Variants in PIM3 observed in about 807,000 individuals in gnomAD.
PIM3 encodes the protein Pim-3 proto-oncogene, serine/threonine kinase, also known as serine/threonine-protein kinase pim-3.
In PIM3, 13 loss-of-function variants were observed where a neutral mutation model predicts 27.5. The ratio of observed to expected loss-of-function variants is 0.47; its 90% CI spans 0.31 to 0.75. The LOEUF is 0.75. PIM3 is among the 30% of genes least tolerant of loss of function. The probability of loss-of-function intolerance (pLI) is 0.05; values close to 1 mark genes in which losing one functional copy is unlikely to be tolerated. For synonymous variants in PIM3, 341 were observed against 221.1 expected (o/e 1.54, Z -4.81); for missense variants, 482 against 476.9 (o/e 1.01, Z -0.10).
At position 49,961,591 on chromosome 22, in the gene PIM3, C is replaced by G; in HGVS notation, c.396C>G (p.Leu132=). ...AGCGGCCCGAGCCGGCGCAGGACCT[C>G]TTCGACTTTATCACGGAGCGCGGCG... is the stretch of plus-strand genomic sequence containing the variant. ...VLERPEPAQD[L]FDFITERGAL... The change falls in exon 4 of 6, where the codon CTC becomes CTG. Residue 132 remains leucine (L), a synonymous_variant. Coordinates refer to ENST00000360612, the MANE Select transcript of PIM3 (RefSeq NM_001001852.4). The G allele has an allele frequency of 1.9e-6, 3 of 1,548,780 alleles. No individual in the cohort carries two copies. The highest frequency in any genetic ancestry group is 8.7e-7 in the Non-Finnish European group (1 of 1,147,156).
chr22:49,961,778 C>A lies in PIM3; in HGVS notation c.583C>A (p.Leu195Met), dbSNP rs778753697. 1.9e-6 allele frequency: 3 copies of A among 1,611,746 alleles called. No homozygotes were observed. Among genetic ancestry groups the A allele is most frequent in the Middle Eastern group, 1.7e-4 (1 of 6,038 alleles). Reference sequence around the variant, plus strand: ...GCTCATCGACTTCGGTTCGGGTGCGCTGCTCAAGGACACGGTCTACACCGA... The same window carrying A: ...GCTCATCGACTTCGGTTCGGGTGCGATGCTCAAGGACACGGTCTACACCGA... ...LKLIDFGSGA[L>M]LKDTVYTDFD... is the part of the protein sequence containing the mutation. Residue 195 changes from leucine (L) to methionine (M), a missense_variant, in exon 4 of 6, where the codon CTG (leucine) becomes ATG (methionine). Transcript: ENST00000360612.
chr22:49,961,314 G>A lies in PIM3; in HGVS notation c.196-4G>A, dbSNP rs765184518. 2.6e-6 allele frequency: 4 copies of A among 1,544,822 alleles called. No homozygotes were observed. In the South Asian group the frequency reaches 4.8e-5, roughly 18 times the overall value. ...GGCCCGGCCTGACCCCCGCGTCTCC[G>A]CAGGTGGCTGTGAAGCACGTGGTGA... On this transcript the variant is annotated splice_region_variant and splice_polypyrimidine_tract_variant and intron_variant, in intron 2 of 5. Transcript: ENST00000360612.
intron 1 of PIM3, 27 bp downstream of exon 1, chr22:49,961,059 G>A (rs2060903612): frequency 9.6e-6 from 13 of 1,354,498 alleles, no homozygotes; most frequent in Non-Finnish European, 1.1e-5. Flanking sequence ...CGGGGCCGGG[G>A]CCGGGGCCAG....
At position 49,961,548 on chromosome 22, in the gene PIM3, G is replaced by A; in HGVS notation, c.353G>A (p.Gly118Asp). The A allele has an allele frequency of 6.5e-7, 1 of 1,544,852 alleles. No individual in the cohort carries two copies. Among genetic ancestry groups the A allele is most frequent in the Non-Finnish European group, 8.7e-7 (1 of 1,145,744 alleles). ...RLLDWFERPD[G>D]FLLVLERPEP... Reference sequence around the variant, plus strand: ...CTGGACTGGTTCGAGCGGCCCGACGGCTTCCTGCTGGTGCTGGAGCGGCCC... The same window carrying A: ...CTGGACTGGTTCGAGCGGCCCGACGACTTCCTGCTGGTGCTGGAGCGGCCC... Residue 118 changes from glycine (G) to aspartate (D), a missense_variant, in exon 4 of 6, where the codon GGC becomes GAC. Physicochemically the swap from Gly to Asp is moderately conservative, Grantham distance 94. Transcript: ENST00000360612.
At position 49,961,831 on chromosome 22, in the gene PIM3, A is replaced by G. The variant is rs746941205; in HGVS notation, c.616+20A>G. On this transcript the variant is annotated intron_variant, in intron 4 of 5. Coordinates refer to ENST00000360612, the MANE Select transcript of PIM3 (RefSeq NM_001001852.4). ...TCGACGGTGAGCGCGGGCGCGGGGC[A>G]GGGAACGTTCCGGGGGCCTTGCCGG... 3.1e-6 allele frequency: 5 copies of G among 1,609,594 alleles called. No homozygotes were observed. The South Asian group carries it at 5.5e-5, about 18-fold the overall frequency.
rs570258477 is a variant in PIM3, at chr22:49,963,444, C to T, written c.*317C>T. On this transcript the variant is annotated 3_prime_UTR_variant, in exon 6 of 6. Transcript: ENST00000360612. ...GCCTGCCCACCCGGAGCTCTTTCCG[C>T]CGGCGCAGGGTCCCAAGCCCACCTC... is the stretch of plus-strand genomic sequence containing the variant. The T allele has an allele frequency of 8.5e-4, 244 of 287,386 alleles. 2 individuals are homozygous for T. The highest frequency in any genetic ancestry group is 5.2e-3 in the African/African-American group (235 of 45,224). 17.8% of individuals were successfully genotyped at this position (287,386 alleles called of 1,614,324 possible).
rs2060917724 is a variant in PIM3 at position 49,963,073 on chromosome 22, CACCCTCG to C, written c.933_939del (p.Asp312MetfsTer22). The C allele has an allele frequency of 6.2e-7, 1 of 1,611,280 alleles. No individual in the cohort carries two copies. The highest frequency in any genetic ancestry group is 8.5e-7 in the Non-Finnish European group (1 of 1,179,438). Reference sequence around the variant, plus strand: ...CGGAGAGCTGTGACCTGCGGCTGTGCACCCTCGACCCTGATGACGTGGCCAGCACCAC... The same window carrying C: ...CGGAGAGCTGTGACCTGCGGCTGTGCACCCTGATGACGTGGCCAGCACCAC... On this transcript the variant is annotated frameshift_variant, in exon 6 of 6. Transcript: ENST00000360612. LOFTEE classifies it high-confidence loss of function.
In PIM3 at chr22:49,961,459, C is replaced by A; in HGVS notation, c.264C>A (p.Pro88=). 1 of 1,461,322 alleles carries A rather than the reference C, an allele frequency of 6.8e-7. No homozygotes were observed. Among genetic ancestry groups the A allele is most frequent in the Non-Finnish European group, 9.0e-7 (1 of 1,112,026 alleles). The allele number at this position is 1,461,322 out of a possible 1,614,324, so 90.5% of individuals were successfully genotyped here. A position where few individuals can be genotyped will look rare whatever the true frequency, so the allele number is the denominator to read the frequency against. The change falls in exon 4 of 6, where the codon CCC becomes CCA. Residue 88 remains proline (P), a synonymous_variant. Transcript: ENST00000360612. ...TCCCCCAGGGCGGCGCGACCGTGCC[C>A]CTGGAGGTGGTGCTGCTGCGCAAGG... ...EWGSLGGATV[P]LEVVLLRKVG... is the part of the protein sequence containing the mutation.
chr22:49,961,479 G>T lies in PIM3; in HGVS notation c.284G>T (p.Arg95Leu). 1.3e-6 allele frequency: 2 copies of T among 1,490,248 alleles called. No individual in the cohort carries two copies. Among genetic ancestry groups the T allele is most frequent in the Non-Finnish European group, 8.9e-7 (1 of 1,124,374 alleles). 92.3% of individuals were successfully genotyped at this position (1,490,248 alleles called of 1,614,324 possible). The stretch of plus-strand genomic sequence containing the variant: ...GTGCCCCTGGAGGTGGTGCTGCTGC[G>T]CAAGGTGGGCGCGGCGGGCGGCGCG... Reference protein sequence around the residue: ...ATVPLEVVLLRKVGAAGGARG... With the variant: ...ATVPLEVVLLLKVGAAGGARG... The change falls in exon 4 of 6, where the codon CGC (arginine) becomes CTC (leucine). Residue 95 changes from arginine (R) to leucine (L), a missense_variant. Arg to Leu is a moderately radical substitution (Grantham distance 102). Transcript: ENST00000360612.
At position 49,961,344 on chromosome 22, in the gene PIM3, G is replaced by A. The variant is rs751284070; in HGVS notation, c.222G>A (p.Glu74=). The change falls in exon 3 of 6, where the codon GAG becomes GAA. Residue 74 remains glutamate (E), a synonymous_variant. Transcript: ENST00000360612. ...TGGCTGTGAAGCACGTGGTGAAGGAGCGGGTGACCGAGTGGGGCAGCCTGG... is the reference window on the plus strand; with the variant it reads ...TGGCTGTGAAGCACGTGGTGAAGGAACGGGTGACCGAGTGGGGCAGCCTGG... ...LPVAVKHVVK[E]RVTEWGSLGG... The A allele has an allele frequency of 1.4e-5, 21 of 1,537,526 alleles. No homozygotes were observed. In the South Asian group the frequency reaches 2.2e-4, roughly 16 times the overall value.
rs377375610 is a variant in PIM3 at position 49,962,863 on chromosome 22, C to T, written c.791C>T (p.Pro264Leu). 5.0e-6 allele frequency: 8 copies of T among 1,608,318 alleles called. No homozygotes were observed. The highest frequency in any genetic ancestry group is 6.8e-6 in the Non-Finnish European group (8 of 1,179,094). ...GRLLFRRRVS[P>L]ECQQLIRWCL... ...CTGCTCTTCCGGAGGAGGGTCTCTCCAGGTGCGTGGTGGCTCGAGGCGGGG... is the reference window on the plus strand; with the variant it reads ...CTGCTCTTCCGGAGGAGGGTCTCTCTAGGTGCGTGGTGGCTCGAGGCGGGG... Residue 264 changes from proline (P) to leucine (L), a missense_variant and splice_region_variant, in exon 5 of 6, where the codon CCA becomes CTA. Coordinates refer to ENST00000360612, the MANE Select transcript of PIM3 (RefSeq NM_001001852.4).
chr22:49,961,802 G>A lies in PIM3; in HGVS notation c.607G>A (p.Asp203Asn). The A allele has an allele frequency of 6.2e-7, 1 of 1,611,684 alleles. No individual in the cohort carries two copies. Among genetic ancestry groups the A allele is most frequent in the Non-Finnish European group, 8.5e-7 (1 of 1,179,366 alleles). ...GCTGCTCAAGGACACGGTCTACACC[G>A]ACTTCGACGGTGAGCGCGGGCGCGG... ...GALLKDTVYT[D>N]FDGTRVYSPP... Residue 203 changes from aspartate (D) to asparagine (N), a missense_variant, in exon 4 of 6, where the codon GAC (aspartate) becomes AAC (asparagine). Physicochemically the swap from Asp to Asn is conservative, Grantham distance 23 (BLOSUM62 1). Transcript: ENST00000360612.
chr22:49,960,852 G>T lies in PIM3; in HGVS notation c.-96G>T. ...CCACTGCGCCGCGCGGACCGCCTCG[G>T]GCTCGGACGGCCGGTGTCCCCGGCG... is the stretch of plus-strand genomic sequence containing the variant. On this transcript the variant is annotated 5_prime_UTR_variant, in exon 1 of 6. Coordinates refer to ENST00000360612, the MANE Select transcript of PIM3 (RefSeq NM_001001852.4). 2 of 945,436 alleles carry T rather than the reference G, an allele frequency of 2.1e-6. No homozygotes were observed. The highest frequency in any genetic ancestry group is 2.6e-6 in the Non-Finnish European group (2 of 768,908). The allele number at this position is 945,436 out of a possible 1,614,324, so 58.6% of individuals were successfully genotyped here.
chr22:49,962,568 G>A (rs940970213), intron 4 of PIM3, 121 bp from the exon 5 acceptor site: 15 of 1,184,696 alleles, frequency 1.3e-5, no homozygotes, highest in South Asian at 1.5e-5. Flanking sequence ...TGACGAGCAG[G>A]ATTTTGAGGC....
chr22:49,961,569 G>T lies in PIM3; in HGVS notation c.374G>T (p.Arg125Leu). Reference sequence around the variant, plus strand: ...GACGGCTTCCTGCTGGTGCTGGAGCGGCCCGAGCCGGCGCAGGACCTCTTC... The same window carrying T: ...GACGGCTTCCTGCTGGTGCTGGAGCTGCCCGAGCCGGCGCAGGACCTCTTC... ...RPDGFLLVLE[R>L]PEPAQDLFDF... Residue 125 changes from arginine to leucine, a missense_variant, in exon 4 of 6, where the codon CGG becomes CTG. By Grantham distance (102) the Arg-to-Leu change is moderately radical. Transcript: ENST00000360612. 1 of 1,546,572 alleles carries T rather than the reference G, an allele frequency of 6.5e-7. No individual in the cohort carries two copies. Among genetic ancestry groups the T allele is most frequent in the Non-Finnish European group, 8.7e-7 (1 of 1,146,480 alleles).
Position 49,963,196 on chromosome 22 carries a change from G to T in PIM3, c.*69G>T. 1 of 1,441,784 alleles carries T rather than the reference G, an allele frequency of 6.9e-7. No homozygotes were observed. Among genetic ancestry groups the T allele is most frequent in the Non-Finnish European group, 9.2e-7 (1 of 1,089,710 alleles). The allele number at this position is 1,441,784 out of a possible 1,614,324, so 89.3% of individuals were successfully genotyped here. On this transcript the variant is annotated 3_prime_UTR_variant, in exon 6 of 6. Transcript: ENST00000360612. ...CAGACCTGGGACGCCCCCAGACCCTGACTTTCTCCTGCGTGGGCCGTCTCC... is the reference window on the plus strand; with the variant it reads ...CAGACCTGGGACGCCCCCAGACCCTTACTTTCTCCTGCGTGGGCCGTCTCC...
Position 49,961,520 on chromosome 22 carries a change from C to T in PIM3, c.325C>T (p.Leu109=), listed in dbSNP as rs1229867929. The T allele has an allele frequency of 4.6e-6, 7 of 1,535,092 alleles. No homozygotes were observed. The highest frequency in any genetic ancestry group is 4.2e-5 in the African/African-American group (3 of 70,822). The change falls in exon 4 of 6, where the codon CTG becomes TTG. Residue 109 remains leucine (L), a synonymous_variant. Coordinates refer to ENST00000360612, the MANE Select transcript of PIM3 (RefSeq NM_001001852.4). ...AAGGARGVIR[L]LDWFERPDGF... ...GGGCGGCGCGCGCGGCGTCATCCGC[C>T]TGCTGGACTGGTTCGAGCGGCCCGA...
intron 4 of PIM3, 44 bp from the exon 5 acceptor site, chr22:49,962,645 G>C (rs199910499): frequency 2.1e-5 from 33 of 1,575,776 alleles, no homozygotes; most frequent in East Asian, 1.3e-4. Flanking sequence ...CTGTTGAGCG[G>C]CTCTGCCTCT....
At position 49,962,994 on chromosome 22, in the gene PIM3, C is replaced by T; in HGVS notation, c.848C>T (p.Ser283Leu). Residue 283 changes from serine (S) to leucine (L), a missense_variant, in exon 6 of 6, where the codon TCG (serine) becomes TTG (leucine). Ser to Leu is a moderately radical substitution (Grantham distance 145, BLOSUM62 -2). Coordinates refer to ENST00000360612, the MANE Select transcript of PIM3 (RefSeq NM_001001852.4). ...CLSLRPSERP[S>L]LDQIAAHPWM... The stretch of plus-strand genomic sequence containing the variant: ...TCCCTGCGGCCCTCAGAGCGGCCGT[C>T]GCTGGATCAGATTGCGGCCCATCCC... 1.2e-6 allele frequency: 2 copies of T among 1,611,378 alleles called. No individual in the cohort carries two copies. The highest frequency in any genetic ancestry group is 1.7e-6 in the Non-Finnish European group (2 of 1,179,804).
Sources: gnomAD v4.1 joint callset for allele counts on GRCh38, gnomAD v4.1.1 for gene constraint, MANE v1.5 for transcripts, NCBI Gene and HGNC (gene_info 2026-07-23, HGNC 2026-07-21) for gene names.